Variants in AGMO observed in about 807,000 individuals in gnomAD.
AGMO encodes glyceryl-ether monooxygenase.
A neutral mutation model predicts 60.2 loss-of-function variants in AGMO; 75 were observed. The ratio of observed to expected loss-of-function variants is 1.25; its 90% CI spans 1.03 to 1.51. The LOEUF is 1.51. Among genes scored for constraint, AGMO ranks in the 40% most tolerant of loss-of-function variants. The probability of loss-of-function intolerance (pLI) is 0.00; values close to 1 mark genes in which losing one functional copy is unlikely to be tolerated. For missense variants in AGMO, 763 were observed against 525.5 expected (o/e 1.45, Z -4.42); for synonymous variants, 261 against 177.1 (o/e 1.47, Z -3.76).
At chr7:15,531,430 A>ATATATATATTCTATATATATTCTC (rs1562557295) in intron 3 of AGMO, among the ~76,000 whole-genome samples, 2 of 18,268 alleles carry the variant, frequency 1.1e-4, no homozygotes, top group Non-Finnish European at 1.7e-4. Flanking sequence ...TATATATTCT[A>ATATATATATTCTATATATATTCTC]TATATATATT....
At chr7:15,383,241 T>A (rs1783766482) in intron 10 of AGMO, among the ~76,000 whole-genome samples, 1 of 152,104 alleles carries the variant, frequency 6.6e-6, no homozygotes, top group Non-Finnish European at 1.5e-5. Context: ...CCATGAAGGG[T>A]CACAGTTTAC....
intron 5 of AGMO, among the ~76,000 whole-genome samples, chr7:15,398,840 T>G (rs1583510243): frequency 6.6e-6 from 1 of 152,322 alleles, no homozygotes; most frequent in East Asian, 1.9e-4. Context: ...TCAGAGAGGT[T>G]AAACTACTAG....
At chr7:15,211,345 T>C (rs1781582309) in intron 12 of AGMO, among the ~76,000 whole-genome samples, 1 of 152,008 alleles carries the variant, frequency 6.6e-6, no homozygotes. Flanking sequence ...TAAGTAGATT[T>C]TGGAACATGA....
chr7:15,246,756 A>G (rs894274200), intron 12 of AGMO, among the ~76,000 whole-genome samples: 3 of 151,968 alleles, frequency 2.0e-5, no homozygotes, highest in African/African-American at 4.8e-5. Context: ...CAGGCCTAAG[A>G]TTCTCTCAAC....
chr7:15,397,526 G>C (rs1243623140), intron 5 of AGMO, among the ~76,000 whole-genome samples: 1 of 152,194 alleles, frequency 6.6e-6, no homozygotes, highest in Non-Finnish European at 1.5e-5. Context: ...GGCGCTGAGA[G>C]CTAGCAAGGG....
intron 12 of AGMO, among the ~76,000 whole-genome samples, chr7:15,236,088 G>A (rs911333500): frequency 2.6e-5 from 4 of 152,072 alleles, no homozygotes; most frequent in Admixed American, 6.5e-5. Context: ...TCTATTTCCT[G>A]AGCAAGAGGG....
At chr7:15,249,553 G>A (rs1782869513) in intron 12 of AGMO, among the ~76,000 whole-genome samples, 1 of 152,262 alleles carries the variant, frequency 6.6e-6, no homozygotes, top group African/African-American at 2.4e-5. Flanking sequence ...ATTTAAAAAG[G>A]TAATTCTGAA....
At chr7:15,371,045 G>A (rs1021538573) in intron 10 of AGMO, among the ~76,000 whole-genome samples, 5 of 152,072 alleles carry the variant, frequency 3.3e-5, no homozygotes, top group Admixed American at 2.6e-4. Context: ...GTGGTAGAGG[G>A]ATAGCTGGCT....
chr7:15,528,588 A>G (rs941043169), intron 3 of AGMO, among the ~76,000 whole-genome samples: 1 of 152,124 alleles, frequency 6.6e-6, no homozygotes, highest in Admixed American at 6.5e-5. Flanking sequence ...CAGAAGACAG[A>G]GGGAAACATT....
Position 15,365,563 on chromosome 7 carries a change from CG to C in AGMO, c.1213del (p.Arg405AspfsTer5). 1 of 1,612,688 alleles carries C rather than the reference CG, an allele frequency of 6.2e-7. No individual in the cohort carries two copies. Among genetic ancestry groups the C allele is most frequent in the Non-Finnish European group, 8.5e-7 (1 of 1,179,082 alleles). Reference sequence around the variant, plus strand: ...GACAAGAGGCTTCAGGTGACCAAATCGGTACAGCATTAAGAACATCAAGCAA... The same window carrying C: ...GACAAGAGGCTTCAGGTGACCAAATCGTACAGCATTAAGAACATCAAGCAA... ...LRCLMFLMLY[R>X]FGHLKPLVPS... On this transcript the variant is annotated frameshift_variant, in exon 12 of 13. Coordinates refer to ENST00000342526, the MANE Select transcript of AGMO (RefSeq NM_001004320.2). LOFTEE classifies it high-confidence loss of function.
chr7:15,400,219 T>A (rs1784517288), intron 5 of AGMO, among the ~76,000 whole-genome samples: 1 of 152,122 alleles, frequency 6.6e-6, no homozygotes. Flanking sequence ...CCCTTACTCC[T>A]CTCATACTCT....
downstream of AGMO, among the ~76,000 whole-genome samples, chr7:15,199,734 C>A (rs12531318): frequency 0.071 from 10,823 of 152,136 alleles, 577 homozygotes; most frequent in Non-Finnish European, 0.095. Context: ...TGTTAAGGGA[C>A]AAAAGCAGGA....
intron 12 of AGMO, among the ~76,000 whole-genome samples, chr7:15,297,962 A>C (rs1784450750): frequency 6.6e-6 from 1 of 152,228 alleles, no homozygotes; most frequent in African/African-American, 2.4e-5. Context: ...GAAATGTTTT[A>C]GTCCATTTGT....
intron 4 of AGMO, among the ~76,000 whole-genome samples, chr7:15,427,711 GATAGA>G (rs200515025): frequency 0.045 from 5,614 of 125,578 alleles, 322 homozygotes; most frequent in African/African-American, 0.15. Flanking sequence ...TAGCAAATTG[GATAGA>G]GTATTATTCT....
chr7:15,344,325 G>C (rs759391807), intron 12 of AGMO, among the ~76,000 whole-genome samples: 6 of 152,154 alleles, frequency 3.9e-5, no homozygotes, highest in Non-Finnish European at 5.9e-5. Flanking sequence ...TGCCAACGCA[G>C]CTTATTTTCC....
At chr7:15,540,007 T>A (rs529062060) in intron 3 of AGMO, among the ~76,000 whole-genome samples, 3 of 152,042 alleles carry the variant, frequency 2.0e-5, no homozygotes, top group African/African-American at 7.2e-5. Flanking sequence ...GTAACTTGAA[T>A]AAGGAAAAGT....
intron 12 of AGMO, among the ~76,000 whole-genome samples, chr7:15,332,419 A>C (rs532708934): frequency 6.6e-6 from 1 of 152,300 alleles, no homozygotes; most frequent in East Asian, 1.9e-4. Flanking sequence ...GAATGAAGCT[A>C]AAAGACACCA....
intron 3 of AGMO, among the ~76,000 whole-genome samples, chr7:15,510,271 T>C (rs1371398378): frequency 6.6e-6 from 1 of 152,024 alleles, no homozygotes; most frequent in Non-Finnish European, 1.5e-5. Flanking sequence ...GCTCAAGTGA[T>C]CCTCCCACTT....
intron 5 of AGMO, among the ~76,000 whole-genome samples, chr7:15,400,288 T>C (rs534979580): frequency 2.0e-4 from 31 of 152,264 alleles, no homozygotes; most frequent in African/African-American, 5.8e-4. Context: ...CCCCAAGCAA[T>C]TTTTAATGTT....
Sources: gnomAD v4.1 joint callset for allele counts (sites outside exome capture counted in the v4.1 genomes callset) on GRCh38, gnomAD v4.1.1 for gene constraint, MANE v1.5 for transcripts, NCBI Gene and HGNC (gene_info 2026-07-23, HGNC 2026-07-21) for gene names.